Variants in BMP2K observed in about 807,000 individuals in gnomAD.
BMP2K encodes BMP2 inducible kinase, also known as BMP-2-inducible protein kinase.
Under a neutral mutation model 116.0 loss-of-function variants are expected in BMP2K, and 74 were observed. The observed-to-expected ratio is 0.64, with a 90% CI of 0.53 to 0.77. The LOEUF (loss-of-function observed/expected upper bound fraction) is 0.77. BMP2K is among the 30% of genes least tolerant of loss of function. The pLI is 0.00. For synonymous variants in BMP2K, 486 were observed against 502.5 expected, an observed-to-expected ratio of 0.97 and a Z score of 0.44; for missense variants, 1,365 against 1,403.6, an observed-to-expected ratio of 0.97 and a Z score of 0.44.
intron 1 of BMP2K, among the ~76,000 whole-genome samples, chr4:78,805,302 T>G (rs945107889): frequency 4.6e-5 from 7 of 152,240 alleles, no homozygotes; most frequent in Non-Finnish European, 1.0e-4. Flanking sequence ...CCACACTGTC[T>G]TGATTGCTGT....
At chr4:78,864,558 G>GTT (rs11352627) in intron 9 of BMP2K, among the ~76,000 whole-genome samples, 1 of 144,710 alleles carries the variant, frequency 6.9e-6, no homozygotes, top group Non-Finnish European at 1.5e-5. Context: ...TCAGTGTCAC[G>GTT]TTTTTTTTTT....
Position 78,910,833 on chromosome 4 carries a change from A to T in BMP2K, c.2286A>T (p.Glu762Asp), listed in dbSNP as rs761239283. The T allele has an allele frequency of 5.0e-6, 8 of 1,613,056 alleles. No individual in the cohort carries two copies. The highest frequency in any genetic ancestry group is 4.5e-5 in the East Asian group (2 of 44,878). ...GTGAAGAGGAAGAGCAAGATGATGA[A>T]GAAGTTCTTCAGGGGGAACAAGGAG... ...KSSEEEEQDD[E>D]EVLQGEQGDF... The change falls in exon 16 of 16, where the codon GAA becomes GAT. Residue 762 changes from glutamate to aspartate, a missense_variant. Physicochemically the swap from Glu to Asp is conservative, Grantham distance 45 (BLOSUM62 2). This residue lies in a region of BMP2K where 596 missense variants were observed against 623.2 expected (regional missense o/e 0.96). Transcript: ENST00000502613.
intron 3 of BMP2K, among the ~76,000 whole-genome samples, chr4:78,840,082 T>C (rs1730683486): frequency 6.6e-6 from 1 of 152,052 alleles, no homozygotes; most frequent in Non-Finnish European, 1.5e-5. Flanking sequence ...GTTGTATTTT[T>C]GGTTTTTTTT....
At chr4:78,807,327 A>T (rs148523428) in intron 1 of BMP2K, among the ~76,000 whole-genome samples, 3 of 152,138 alleles carry the variant, frequency 2.0e-5, no homozygotes, top group African/African-American at 7.2e-5. Flanking sequence ...TTTTTAATGT[A>T]TGCTGGATTT....
intron 10 of BMP2K, among the ~76,000 whole-genome samples, chr4:78,867,705 C>T: frequency 6.6e-6 from 1 of 152,172 alleles, no homozygotes; most frequent in South Asian, 2.1e-4. Context: ...GTCATCTTCC[C>T]AGTCCTTTTT....
intron 1 of BMP2K, among the ~76,000 whole-genome samples, chr4:78,814,376 A>T (rs953917450): frequency 6.6e-6 from 1 of 152,118 alleles, no homozygotes; most frequent in South Asian, 2.1e-4. Flanking sequence ...TTAAAACATT[A>T]GCCTGTTGAT....
intron 3 of BMP2K, among the ~76,000 whole-genome samples, chr4:78,839,080 A>T (rs1382676878): frequency 6.6e-6 from 1 of 152,226 alleles, no homozygotes; most frequent in East Asian, 1.9e-4. Context: ...TTAATTAAAA[A>T]AAATTCCAAA....
At chr4:78,777,313 T>C (rs1362526782) in intron 1 of BMP2K, among the ~76,000 whole-genome samples, 1 of 152,218 alleles carries the variant, frequency 6.6e-6, no homozygotes, top group Admixed American at 6.5e-5. Context: ...ATCTTTGTTA[T>C]TTAGAATCTT....
At chr4:78,880,873 C>G (rs1447088857) in intron 14 of BMP2K, among the ~76,000 whole-genome samples, 2 of 152,128 alleles carry the variant, frequency 1.3e-5, no homozygotes, top group Non-Finnish European at 2.9e-5. Context: ...CAGAAAGATA[C>G]TAAGATCCAA....
intron 1 of BMP2K, among the ~76,000 whole-genome samples, chr4:78,809,863 G>T (rs1258432501): frequency 2.0e-5 from 3 of 152,130 alleles, no homozygotes; most frequent in South Asian, 2.1e-4. Flanking sequence ...TTTTCTCAGA[G>T]ACAGTTTCTG....
At chr4:78,780,314 T>C (rs150382088) in intron 1 of BMP2K, among the ~76,000 whole-genome samples, 1 of 152,124 alleles carries the variant, frequency 6.6e-6, no homozygotes, top group Non-Finnish European at 1.5e-5. Flanking sequence ...AGTGTGAATA[T>C]GGTGATGTGG....
chr4:78,823,536 GGTTATATATATAGTTATATATA>G (rs1729729898), intron 1 of BMP2K, among the ~76,000 whole-genome samples: 1 of 145,212 alleles, frequency 6.9e-6, no homozygotes. Context: ...TTATATATAT[GGTTATATATATAGTTATATATA>G]GTTATATAGT....
intron 14 of BMP2K, among the ~76,000 whole-genome samples, chr4:78,885,007 A>G (rs1470550796): frequency 2.0e-5 from 3 of 152,226 alleles, no homozygotes; most frequent in Non-Finnish European, 2.9e-5. Flanking sequence ...TACAGTTAAT[A>G]TCTTGAAAAA....
At chr4:78,814,695 C>T (rs1729247945) in intron 1 of BMP2K, among the ~76,000 whole-genome samples, 1 of 151,988 alleles carries the variant, frequency 6.6e-6, no homozygotes, top group Admixed American at 6.6e-5. Context: ...TTAAACTTTT[C>T]CTTTATCAAT....
chr4:78,894,908 C>G (rs1048159619), intron 15 of BMP2K, among the ~76,000 whole-genome samples: 1 of 152,090 alleles, frequency 6.6e-6, no homozygotes, highest in Non-Finnish European at 1.5e-5. Context: ...ATTGTTGTGT[C>G]TCAGGGAATA....
intron 15 of BMP2K, among the ~76,000 whole-genome samples, chr4:78,891,903 G>T (rs915738339): frequency 1.3e-5 from 2 of 152,192 alleles, no homozygotes; most frequent in African/African-American, 4.8e-5. Context: ...ATGTGATGGA[G>T]AAGTGGGGAA....
intron 3 of BMP2K, among the ~76,000 whole-genome samples, chr4:78,839,718 C>G (rs1396296520): frequency 3.3e-5 from 5 of 152,132 alleles, no homozygotes; most frequent in African/African-American, 1.2e-4. Flanking sequence ...GGAAGCCAGT[C>G]CGACTGCAAA....
intron 15 of BMP2K, among the ~76,000 whole-genome samples, chr4:78,887,548 GA>G (rs1291663962): frequency 1.3e-5 from 2 of 151,730 alleles, no homozygotes; most frequent in Non-Finnish European, 2.9e-5. Context: ...GGATACTGTT[GA>G]AAAAAATATT....
intron 4 of BMP2K, among the ~76,000 whole-genome samples, chr4:78,842,972 G>A (rs543224084): frequency 6.6e-6 from 1 of 151,832 alleles, no homozygotes; most frequent in South Asian, 2.1e-4. Flanking sequence ...TTTATAATTT[G>A]GTACAGTTTT....
Sources: allele counts gnomAD v4.1 joint callset (sites outside exome capture counted in the v4.1 genomes callset), GRCh38; gene constraint gnomAD v4.1.1; regional missense constraint gnomAD v4.1.1; transcripts MANE v1.5; gene names NCBI Gene and HGNC (gene_info 2026-07-23, HGNC 2026-07-21).